Variants in COX10 observed in about 807,000 individuals in gnomAD.
COX10 encodes the protein cytochrome c oxidase assembly factor heme A:farnesyltransferase COX10, also known as protoheme IX farnesyltransferase, mitochondrial.
COX10 carries 27 observed loss-of-function variants against 37.3 expected under a neutral mutation model. The ratio of observed to expected loss-of-function variants is 0.72; its 90% CI spans 0.53 to 1.00. The LOEUF is 1.00. Among genes scored for constraint, COX10 ranks in the 50% least tolerant of loss-of-function variants. The pLI is 0.00. For synonymous variants in COX10, 222 were observed against 229.1 expected (o/e 0.97, Z 0.28); for missense variants, 475 against 563.2 (o/e 0.84, Z 1.59).
chr17:14,108,610 C>A (rs1438068626), intron 4 of COX10, among the ~76,000 whole-genome samples: 2 of 151,798 alleles, frequency 1.3e-5, no homozygotes, highest in African/African-American at 2.4e-5. Flanking sequence ...AAAATAGGGT[C>A]AAGAAGAGAC....
chr17:14,137,656 G>C (rs1904413933), intron 4 of COX10, among the ~76,000 whole-genome samples: 1 of 151,932 alleles, frequency 6.6e-6, no homozygotes, highest in Non-Finnish European at 1.5e-5. Context: ...TGTTAAAAGA[G>C]TGTGATTAGG....
intron 5 of COX10, among the ~76,000 whole-genome samples, chr17:14,179,999 C>T (rs1202385046): frequency 6.6e-6 from 1 of 152,212 alleles, no homozygotes; most frequent in Non-Finnish European, 1.5e-5. Context: ...GCATTATTAA[C>T]TTAAAGAACA....
At chr17:14,162,412 A>G (rs960472095) in intron 5 of COX10, among the ~76,000 whole-genome samples, 2 of 152,196 alleles carry the variant, frequency 1.3e-5, no homozygotes, top group African/African-American at 4.8e-5. Flanking sequence ...AAGGAATTCA[A>G]CAAGCCCAGG....
At chr17:14,202,328 G>A (rs867542642) in intron 6 of COX10, among the ~76,000 whole-genome samples, 1 of 151,414 alleles carries the variant, frequency 6.6e-6, no homozygotes, top group African/African-American at 2.4e-5. Context: ...AGGCTCAAGC[G>A]ATCCTCCCTC....
intron 4 of COX10, among the ~76,000 whole-genome samples, chr17:14,143,711 G>C (rs555580447): frequency 6.6e-6 from 1 of 152,196 alleles, no homozygotes; most frequent in Admixed American, 6.6e-5. Flanking sequence ...TTTTCAACAC[G>C]TTGAACATTA....
intron 4 of COX10, among the ~76,000 whole-genome samples, chr17:14,124,964 G>A (rs774698673): frequency 8.6e-5 from 13 of 151,990 alleles, no homozygotes; most frequent in Non-Finnish European, 1.8e-4. Context: ...TTTTTCTATT[G>A]CTTTACTAGT....
At chr17:14,083,352 A>G (rs888601269) in intron 3 of COX10, among the ~76,000 whole-genome samples, 1 of 152,122 alleles carries the variant, frequency 6.6e-6, no homozygotes, top group Non-Finnish European at 1.5e-5. Context: ...AGTCAGCAGG[A>G]TTTTTTATTT....
intron 3 of COX10, among the ~76,000 whole-genome samples, chr17:14,089,385 C>T (rs1483099971): frequency 6.6e-6 from 1 of 152,216 alleles, no homozygotes; most frequent in Non-Finnish European, 1.5e-5. Flanking sequence ...GCAGCAGTTT[C>T]TCCCTGTCAT....
chr17:14,172,572 CT>C lies in COX10; in HGVS notation c.695+12630del, dbSNP rs1163251971. Among the ~76,000 whole-genome samples, 346 of 122,766 alleles carry C rather than the reference CT, an allele frequency of 2.8e-3. 18 individuals carry two copies. Among genetic ancestry groups the C allele is most frequent in the African/African-American group, 4.9e-3 (162 of 33,254 alleles). 80.5% of individuals were successfully genotyped at this position (122,766 alleles called of 152,430 possible). The stretch of plus-strand genomic sequence containing the variant: ...GGCTATTCGTATGTCTTCTTTTTTT[CT>C]TTTTCTTTTTTTTTTTTTTTTTTTT... On this transcript the variant is annotated intron_variant, in intron 5 of 6. Transcript: ENST00000261643.
rs1339588904 is a variant in COX10 at position 14,106,655 on chromosome 17, G to C, written c.624+4413G>C. Among the ~76,000 whole-genome samples the C allele has an allele frequency of 5.9e-5, 9 of 152,222 alleles. No homozygotes were observed. The East Asian group carries it at 1.7e-3, about 29-fold the overall frequency. On this transcript the variant is annotated intron_variant, in intron 4 of 6. Transcript: ENST00000261643. ...TTAAAGTGCTCATCATTAATGCCGT[G>C]AATTGGAAAATCTTGGCTCGGTTTG...
chr17:14,080,544 T>G (rs988923820), intron 3 of COX10, among the ~76,000 whole-genome samples: 1 of 152,172 alleles, frequency 6.6e-6, no homozygotes, highest in Non-Finnish European at 1.5e-5. Context: ...CTCTGTAGAG[T>G]CCACTCCTGC....
intron 4 of COX10, among the ~76,000 whole-genome samples, chr17:14,141,641 A>G (rs16949074): frequency 0.15 from 22,172 of 152,022 alleles, 2,109 homozygotes; most frequent in East Asian, 0.38. Context: ...AGGCTAAAAT[A>G]CATGTAGTAA....
At chr17:14,078,652 G>A (rs1393450432) in intron 3 of COX10, among the ~76,000 whole-genome samples, 1 of 152,088 alleles carries the variant, frequency 6.6e-6, no homozygotes, top group Admixed American at 6.5e-5. Flanking sequence ...GCTTCTAACT[G>A]TTCTTTCTTT....
rs115715628 is a variant in COX10, at chr17:14,144,838, C to T, written c.625-15039C>T. Among the ~76,000 whole-genome samples the T allele has an allele frequency of 7.0e-3, 1,060 of 151,954 alleles. 10 individuals are homozygous for T. Among genetic ancestry groups the T allele is most frequent in the African/African-American group, 0.024 (1,000 of 41,444 alleles). ...TCTTTTTCTCTCTCCCAAATGCTAA[C>T]CTTGTGCTAAAATCAAATAATGATG... On this transcript the variant is annotated intron_variant, in intron 4 of 6. Transcript: ENST00000261643.
intron 6 of COX10, among the ~76,000 whole-genome samples, chr17:14,201,304 T>A (rs1421331405): frequency 6.6e-6 from 1 of 152,210 alleles, no homozygotes; most frequent in Admixed American, 6.5e-5. Flanking sequence ...TTTCATCTTT[T>A]ATAGGAGGAG....
At chr17:14,097,690 A>G (rs774866775) in intron 3 of COX10, among the ~76,000 whole-genome samples, 1 of 152,184 alleles carries the variant, frequency 6.6e-6, no homozygotes, top group Non-Finnish European at 1.5e-5. Flanking sequence ...TTTAAACAAA[A>G]TGAACTTTCT....
At chr17:14,146,063 T>C (rs922886623) in intron 4 of COX10, among the ~76,000 whole-genome samples, 1 of 152,126 alleles carries the variant, frequency 6.6e-6, no homozygotes, top group South Asian at 2.1e-4. Flanking sequence ...CTTTTTTTCC[T>C]GACTAGAAAA....
At chr17:14,189,755 T>A (rs1453112721) in intron 5 of COX10, among the ~76,000 whole-genome samples, 2 of 152,172 alleles carry the variant, frequency 1.3e-5, no homozygotes, top group African/African-American at 4.8e-5. Context: ...CTTAGAGAAA[T>A]GTGTTTCAGC....
At chr17:14,142,804 A>C (rs1904586676) in intron 4 of COX10, among the ~76,000 whole-genome samples, 1 of 152,146 alleles carries the variant, frequency 6.6e-6, no homozygotes, top group Non-Finnish European at 1.5e-5. Flanking sequence ...TTCATTCTTT[A>C]TGGTGGTAAG....
Sources: allele counts gnomAD v4.1 joint callset (sites outside exome capture counted in the v4.1 genomes callset), GRCh38; gene constraint gnomAD v4.1.1; transcripts MANE v1.5; gene names NCBI Gene and HGNC (gene_info 2026-07-23, HGNC 2026-07-21).